Variants in IL25 observed in about 807,000 individuals in gnomAD.
The protein encoded by IL25 is interleukin-25.
In IL25, 10 loss-of-function variants were observed where a neutral mutation model predicts 13.2. That is an observed-to-expected ratio of 0.76 (90% CI 0.47 to 1.29). The LOEUF (loss-of-function observed/expected upper bound fraction) is 1.29, where lower values mean the gene tolerates loss of function less well. Among genes scored for constraint, IL25 ranks in the 50% most tolerant of loss-of-function variants. IL25 has a pLI of 0.00. For synonymous variants in IL25, 107 were observed against 92.1 expected (o/e 1.16, Z -0.93); for missense variants, 235 against 232.4 (o/e 1.01, Z -0.07).
chr14:23,374,470 A>G (rs1220623911), intron 1 of IL25, among the ~76,000 whole-genome samples: 1 of 152,236 alleles, frequency 6.6e-6, no homozygotes, highest in Admixed American at 6.5e-5. Flanking sequence ...CTGTCATTGT[A>G]CATTAAAGTC....
In IL25 at chr14:23,375,802, C is replaced by G. The variant is rs760661443; in HGVS notation, c.456C>G (p.His152Gln). 2.5e-6 allele frequency: 4 copies of G among 1,614,244 alleles called. No homozygotes were observed. The Admixed American group carries it at 6.7e-5, about 27-fold the overall frequency. ...CATGCCATGGCGAGAAGGGCACCCA[C>G]AAGGGCTACTGCCTGGAGCGCAGGC... is the stretch of plus-strand genomic sequence containing the variant. The change falls in exon 2 of 2, where the codon CAC becomes CAG. Residue 152 changes from histidine to glutamine, a missense_variant. By Grantham distance (24) the His-to-Gln change is conservative. Transcript: ENST00000329715.
chr14:23,374,977 A>G (rs1486663288), intron 1 of IL25, among the ~76,000 whole-genome samples: 21 of 151,996 alleles, frequency 1.4e-4, no homozygotes, highest in Non-Finnish European at 1.5e-5. Context: ...AATAATAGAA[A>G]CACCACCTAA....
exon 1 of IL25, chr14:23,372,931 A>T (rs747302271): frequency 6.2e-7 from 1 of 1,608,102 alleles, no homozygotes; most frequent in South Asian, 1.1e-5. Context: ...CCTGTCAGTC[A>T]GTGCCCCACT....
chr14:23,375,602 C>T (rs201788306), intron 1 of IL25, 23 bp from the exon 3 acceptor site: 43 of 1,606,570 alleles, frequency 2.7e-5, no homozygotes, highest in Middle Eastern at 3.6e-4. Context: ...CTTTCCAAGG[C>T]CTGACAAGTG....
exon 1 of IL25, chr14:23,373,002 T>C (rs1197118043): frequency 6.2e-7 from 1 of 1,613,904 alleles, no homozygotes; most frequent in South Asian, 1.1e-5. Flanking sequence ...GCCTGAGGGC[T>C]GTGCTGAGAG....
In IL25 at chr14:23,373,129, G is replaced by A. The variant is rs759770968; in HGVS notation, c.11G>A (p.Arg4Gln). 4.3e-6 allele frequency: 7 copies of A among 1,613,946 alleles called. No homozygotes were observed. In the Admixed American group the frequency reaches 5.0e-5, roughly 12 times the overall value. Residue 4 changes from arginine (R) to glutamine (Q), a missense_variant, in exon 1 of 2, where the codon CGA (arginine) becomes CAA (glutamine). Physicochemically the swap from Arg to Gln is conservative, Grantham distance 43. Coordinates refer to ENST00000329715, the Ensembl canonical transcript of IL25. ...AGGGGGAGGGTGCAGATGAGGGAGCGACCCAGATTAGGTGAGGACAGTTCT... is the reference window on the plus strand; with the variant it reads ...AGGGGGAGGGTGCAGATGAGGGAGCAACCCAGATTAGGTGAGGACAGTTCT...
exon 2 of IL25, chr14:23,375,795 G>A (rs1197209784): frequency 6.2e-7 from 1 of 1,614,258 alleles, no homozygotes; most frequent in Admixed American, 1.7e-5. Flanking sequence ...GGCGAGAAGG[G>A]CACCCACAAG....
Position 23,372,986 on chromosome 14 carries a change from A to AGG in IL25, c.-131_-130dup. ...CCCAGCATGTACCAGGTCAGTGCAG[A>AGG]GGGCTGCCTGAGGGCTGTGCTGAGA... On this transcript the variant is annotated 5_prime_UTR_variant, in exon 1 of 2. Transcript: ENST00000329715. 1 of 1,613,888 alleles carries AGG rather than the reference A, an allele frequency of 6.2e-7. No individual in the cohort carries two copies. Among genetic ancestry groups the AGG allele is most frequent in the Non-Finnish European group, 8.5e-7 (1 of 1,179,838 alleles).
rs573614963 is a variant in IL25, at chr14:23,376,016, A to T, written c.*136A>T. The stretch of plus-strand genomic sequence containing the variant: ...TGGAGCAGCAGGATCCCGGGACAGG[A>T]TGGGGGGCTTTGGGGAAAGCCTGCA... On this transcript the variant is annotated 3_prime_UTR_variant, in exon 2 of 2. Transcript: ENST00000329715. The T allele has an allele frequency of 1.3e-5, 16 of 1,222,008 alleles. No individual in the cohort carries two copies. In the East Asian group the frequency reaches 3.9e-4, roughly 30 times the overall value. 75.7% of individuals were successfully genotyped at this position (1,222,008 alleles called of 1,614,324 possible). A position where few individuals can be genotyped will look rare whatever the true frequency, so the allele number is the denominator to read the frequency against.
At chr14:23,374,681 C>T (rs1890490564) in intron 1 of IL25, among the ~76,000 whole-genome samples, 1 of 151,948 alleles carries the variant, frequency 6.6e-6, no homozygotes, top group Non-Finnish European at 1.5e-5. Context: ...GAGTCGCAGA[C>T]CTGTGGGACA....
exon 1 of IL25, chr14:23,372,934 G>T: frequency 6.2e-7 from 1 of 1,607,536 alleles, no homozygotes; most frequent in Non-Finnish European, 8.5e-7. Flanking sequence ...GTCAGTCAGT[G>T]CCCCACTTGT....
chr14:23,375,049 T>A (rs1431692367), intron 1 of IL25, among the ~76,000 whole-genome samples: 1 of 152,092 alleles, frequency 6.6e-6, no homozygotes, highest in Non-Finnish European at 1.5e-5. Context: ...GTGGGTGGAT[T>A]ACCTAAGGTC....
intron 1 of IL25, among the ~76,000 whole-genome samples, chr14:23,374,732 T>TTCTTTCTTTC (rs1555331961): frequency 4.2e-5 from 3 of 72,216 alleles, no homozygotes; most frequent in African/African-American, 2.1e-4. Context: ...CTTTCTTTCT[T>TTCTTTCTTTC]TTTTTTTTTT....
At chr14:23,375,996 C>T in exon 2 of IL25, 1 of 1,370,432 alleles carries the variant, frequency 7.3e-7, no homozygotes, top group Non-Finnish European at 1.0e-6. Context: ...CTGTCTGGAG[C>T]AGCAGGATCC....
chr14:23,375,999 C>A (rs1890546719), exon 2 of IL25: 2 of 1,361,670 alleles, frequency 1.5e-6, no homozygotes, highest in Admixed American at 4.3e-5. Context: ...TCTGGAGCAG[C>A]AGGATCCCGG....
intron 1 of IL25, among the ~76,000 whole-genome samples, 182 bp downstream of exon 2, chr14:23,373,578 A>G (rs1456275849): frequency 6.6e-6 from 1 of 151,540 alleles, no homozygotes; most frequent in Non-Finnish European, 1.5e-5. Flanking sequence ...ATCTTGAGTC[A>G]ATTCAAGTTT....
At chr14:23,375,768 A>C (rs750193987) in exon 2 of IL25, 300 of 1,614,080 alleles carry the variant, frequency 1.9e-4, no homozygotes, top group Non-Finnish European at 2.5e-4. Context: ...ACTGTCTTCT[A>C]CCGGCGGCCA....
intron 1 of IL25, among the ~76,000 whole-genome samples, chr14:23,375,104 A>G (rs1890505924): frequency 6.6e-6 from 1 of 151,706 alleles, no homozygotes; most frequent in African/African-American, 2.4e-5. Flanking sequence ...ACATCATGAA[A>G]CCCCATCTCT....
exon 1 of IL25, chr14:23,373,077 C>T (rs1566496924): frequency 3.1e-6 from 5 of 1,613,682 alleles, no homozygotes; most frequent in Middle Eastern, 1.7e-4. Flanking sequence ...GGGCTGGGGG[C>T]CAAGTGGAGT....
Sources: gnomAD v4.1 joint callset for allele counts (sites outside exome capture counted in the v4.1 genomes callset) on GRCh38, gnomAD v4.1.1 for gene constraint, MANE v1.5 for transcripts, NCBI Gene and HGNC (gene_info 2026-07-23, HGNC 2026-07-21) for gene names.